JAKMIP3: variants seen among roughly 807,000 people sequenced by gnomAD.
JAKMIP3 encodes the protein Janus kinase and microtubule interacting protein 3.
In JAKMIP3, 58 loss-of-function variants were observed where a neutral mutation model predicts 118.5. The ratio of observed to expected loss-of-function variants is 0.49; its 90% CI spans 0.40 to 0.61. The LOEUF (loss-of-function observed/expected upper bound fraction) is 0.61, where lower values mean the gene tolerates loss of function less well. Among genes scored for constraint, JAKMIP3 ranks in the 20% least tolerant of loss-of-function variants. The probability of loss-of-function intolerance (pLI) is 0.00; values close to 1 mark genes in which losing one functional copy is unlikely to be tolerated. For synonymous variants in JAKMIP3, 486 were observed against 451.2 expected, an observed-to-expected ratio of 1.08 and a Z score of -0.98; for missense variants, 950 against 1,109.0, an observed-to-expected ratio of 0.86 and a Z score of 2.04.
intron 1 of JAKMIP3, among the ~76,000 whole-genome samples, chr10:132,102,596 G>C (rs12268266): frequency 6.6e-6 from 1 of 152,170 alleles, no homozygotes; most frequent in African/African-American, 2.4e-5. Context: ...AGCCCCGCAG[G>C]CTCCTCGTGG....
At chr10:132,067,380 C>T (rs1177196017) in intron 1 of JAKMIP3, among the ~76,000 whole-genome samples, 1 of 152,136 alleles carries the variant, frequency 6.6e-6, no homozygotes, top group Non-Finnish European at 1.5e-5. Flanking sequence ...TGGCAGAGAA[C>T]ATGCACGGAG....
intron 3 of JAKMIP3, among the ~76,000 whole-genome samples, chr10:132,119,479 A>G (rs1173807838): frequency 6.6e-5 from 10 of 152,140 alleles, no homozygotes; most frequent in Admixed American, 3.9e-4. Context: ...CCCTTACTTC[A>G]AAAACCGTCT....
At chr10:132,108,971 TTATA>T (rs1265759021) in intron 2 of JAKMIP3, among the ~76,000 whole-genome samples, 1 of 96,528 alleles carries the variant, frequency 1.0e-5, no homozygotes, top group Non-Finnish European at 2.2e-5. Context: ...TATATATAAA[TTATA>T]TACGCAAATG....
chr10:132,061,093 T>A (rs754540581), upstream of JAKMIP3, among the ~76,000 whole-genome samples: 3 of 152,232 alleles, frequency 2.0e-5, no homozygotes, highest in Non-Finnish European at 4.4e-5. Context: ...AAGCTGCTAG[T>A]ATAAGGTAAA....
intron 23 of JAKMIP3, among the ~76,000 whole-genome samples, chr10:132,180,883 A>G (rs111065537): frequency 0.024 from 3,673 of 151,650 alleles, 152 homozygotes; most frequent in African/African-American, 0.083. Context: ...GGGCATGTGC[A>G]TGTATGTGTA....
At chr10:132,109,891 G>A (rs2046586423) in intron 2 of JAKMIP3, among the ~76,000 whole-genome samples, 1 of 152,210 alleles carries the variant, frequency 6.6e-6, no homozygotes, top group Non-Finnish European at 1.5e-5. Context: ...GGCCAAGCAG[G>A]GAACAGAAAA....
chr10:132,078,214 C>T (rs1334606536), intron 1 of JAKMIP3, among the ~76,000 whole-genome samples: 5 of 152,130 alleles, frequency 3.3e-5, no homozygotes, highest in Admixed American at 2.6e-4. Context: ...TATTACATTT[C>T]ACAACCTCCT....
chr10:132,108,045 G>C (rs2046191257), intron 2 of JAKMIP3, among the ~76,000 whole-genome samples: 4 of 152,236 alleles, frequency 2.6e-5, no homozygotes, highest in Admixed American at 2.0e-4. Context: ...CTGGTGGGAA[G>C]GTGCTGGCTG....
At chr10:132,047,385 T>C (rs2037949236) in intron 1 of JAKMIP3, among the ~76,000 whole-genome samples, 1 of 152,232 alleles carries the variant, frequency 6.6e-6, no homozygotes, top group Non-Finnish European at 1.5e-5. Context: ...GAGGAACGCA[T>C]AGCTCAAAGT....
chr10:132,115,937 C>T (rs111556140), intron 2 of JAKMIP3, among the ~76,000 whole-genome samples: 158 of 152,314 alleles, frequency 1.0e-3, no homozygotes, highest in Non-Finnish European at 1.4e-3. Context: ...GGCATTGGGC[C>T]GGATGTGCTG....
At chr10:132,061,319 G>A (rs142365992), upstream of JAKMIP3, among the ~76,000 whole-genome samples, 7 of 152,290 alleles carry the variant, frequency 4.6e-5, no homozygotes, top group East Asian at 1.4e-3. Flanking sequence ...AGGCACCAAG[G>A]AGTAAATGCA....
chr10:132,108,801 G>A (rs1197235235), intron 2 of JAKMIP3, among the ~76,000 whole-genome samples: 1 of 151,038 alleles, frequency 6.6e-6, no homozygotes, highest in Non-Finnish European at 1.5e-5. Flanking sequence ...CCAGGAATTC[G>A]AGACCAGCCT....
Position 132,180,782 on chromosome 10 carries a change from T to TGTGTGTGCGC in JAKMIP3, c.*1104-1574_*1104-1573insTGTGTGCGCG, listed in dbSNP as rs1554963508. On this transcript the variant is annotated intron_variant, in intron 23 of 23. Transcript: ENST00000684848. ...GTGCGTGTGTGTGCGTGTGTGTGTG[T>TGTGTGTGCGC]GCGCGTATGCATGTGCTGTGAGTGG... Among the ~76,000 whole-genome samples, 3 of 60,610 alleles carry TGTGTGTGCGC rather than the reference T, an allele frequency of 4.9e-5. 1 individual carries two copies. Among genetic ancestry groups the TGTGTGTGCGC allele is most frequent in the African/African-American group, 2.4e-4 (3 of 12,378 alleles). The allele number at this position is 60,610 out of a possible 152,430, so 39.8% of individuals were successfully genotyped here.
chr10:132,036,448 C>CCTA (rs1271803610), upstream of JAKMIP3, among the ~76,000 whole-genome samples: 1 of 152,186 alleles, frequency 6.6e-6, no homozygotes, highest in African/African-American at 2.4e-5. Context: ...TGCCCGGCTC[C>CCTA]CTACGCGCGC....
intron 1 of JAKMIP3, among the ~76,000 whole-genome samples, chr10:132,073,922 A>G (rs1331088273): frequency 6.6e-6 from 1 of 152,202 alleles, no homozygotes; most frequent in African/African-American, 2.4e-5. Context: ...TGGCAGTTCT[A>G]CTTTTAGTTC....
intron 2 of JAKMIP3, among the ~76,000 whole-genome samples, chr10:132,105,594 G>A (rs1230568118): frequency 6.6e-6 from 1 of 152,204 alleles, no homozygotes; most frequent in East Asian, 1.9e-4. Flanking sequence ...GACAAGCCCT[G>A]GGGTGGGCTA....
At position 132,168,906 on chromosome 10, in the gene JAKMIP3, C is replaced by T. The variant is rs1241257868; in HGVS notation, c.*976C>T. The T allele has an allele frequency of 5.9e-6, 1 of 169,896 alleles. No homozygotes were observed. The highest frequency in any genetic ancestry group is 1.3e-5 in the Non-Finnish European group (1 of 78,590). 10.5% of individuals were successfully genotyped at this position (169,896 alleles called of 1,614,324 possible). On this transcript the variant is annotated 3_prime_UTR_variant, in exon 23 of 24. Coordinates refer to ENST00000684848, the MANE Select transcript of JAKMIP3 (RefSeq NM_001323087.2). ...CCCGGCGGGCACCGAAGCCTCACCC[C>T]AAGCCTTTGCACACAAGGAGCAGCC...
intron 14 of JAKMIP3, 35 bp downstream of exon 14, chr10:132,148,085 G>GCTGTGT (rs1242771204): frequency 7.3e-7 from 1 of 1,374,140 alleles, no homozygotes; most frequent in East Asian, 2.4e-5. Flanking sequence ...GTGGCCTGTG[G>GCTGTGT]CTGTGTCAGG....
In JAKMIP3 at chr10:132,177,521, AGTGT is replaced by A. The variant is rs4009680; in HGVS notation, c.*1104-4824_*1104-4821del. 4.8e-5 allele frequency among the ~76,000 whole-genome samples: 7 copies of A among 144,854 alleles called. No homozygotes were observed. The South Asian group carries it at 1.1e-3, about 23-fold the overall frequency. ...ATACACCTGCTCCTGTGCCCTGGGT[AGTGT>A]GTGTGTGTGTGCACACTGTGCATTT... On this transcript the variant is annotated intron_variant, in intron 23 of 23. Coordinates refer to ENST00000684848, the MANE Select transcript of JAKMIP3 (RefSeq NM_001323087.2).
Sources: allele counts gnomAD v4.1 joint callset (sites outside exome capture counted in the v4.1 genomes callset), GRCh38; gene constraint gnomAD v4.1.1; transcripts MANE v1.5; gene names NCBI Gene and HGNC (gene_info 2026-07-23, HGNC 2026-07-21).